Variants in EIF2AK1 observed in about 807,000 individuals in gnomAD.
EIF2AK1 encodes eukaryotic translation initiation factor 2-alpha kinase 1.
In EIF2AK1, 54 loss-of-function variants were observed where a neutral mutation model predicts 77.9. The observed-to-expected ratio is 0.69, with a 90% CI of 0.56 to 0.87. The LOEUF is 0.87. Ranked by LOEUF, EIF2AK1 falls within the 40% of genes least tolerant of loss-of-function variation. EIF2AK1 has a pLI of 0.00. For synonymous variants in EIF2AK1, 314 were observed against 290.5 expected (o/e 1.08, Z -0.82); for missense variants, 810 against 768.6 (o/e 1.05, Z -0.64).
chr7:6,023,907 A>G lies in EIF2AK1; in HGVS notation c.*766T>C, dbSNP rs906157945. On this transcript the variant is annotated 3_prime_UTR_variant, in exon 15 of 15. Coordinates refer to ENST00000199389, the MANE Select transcript of EIF2AK1 (RefSeq NM_014413.4). The stretch of plus-strand genomic sequence containing the variant: ...GTGATGACTGCCAACTCCATGGCAG[A>G]CCCTTTCTGGGATTCAAAAACCAAT... The G allele has an allele frequency of 1.1e-5, 17 of 1,495,770 alleles. No homozygotes were observed. Among genetic ancestry groups the G allele is most frequent in the Non-Finnish European group, 1.5e-5 (17 of 1,119,550 alleles). 92.7% of individuals were successfully genotyped at this position (1,495,770 alleles called of 1,614,324 possible). A position where few individuals can be genotyped will look rare whatever the true frequency, so the allele number is the denominator to read the frequency against.
intron 7 of EIF2AK1, 112 bp downstream of exon 7, chr7:6,044,450 G>A: frequency 1.2e-6 from 1 of 851,460 alleles, no homozygotes; most frequent in Non-Finnish European, 1.8e-6. Flanking sequence ...AAAAAAATAT[G>A]TAAAAACCAT....
chr7:6,028,278 T>C (rs1020042257), intron 13 of EIF2AK1, among the ~76,000 whole-genome samples: 6 of 150,704 alleles, frequency 4.0e-5, no homozygotes, highest in African/African-American at 1.5e-4. Flanking sequence ...TGAGATGGAG[T>C]TTTGCTCTTG....
chr7:6,029,158 T>C (rs1347107775), intron 11 of EIF2AK1, 126 bp from the exon 12 acceptor site: 18 of 786,080 alleles, frequency 2.3e-5, no homozygotes, highest in Admixed American at 5.8e-5. Context: ...ATTTGAGGAA[T>C]AGTTCCCAAA....
Position 6,023,670 on chromosome 7 carries a change from G to A in EIF2AK1, c.*1003C>T, listed in dbSNP as rs763343312. The A allele has an allele frequency of 3.1e-6, 5 of 1,613,924 alleles. No homozygotes were observed. The African/African-American group carries it at 4.0e-5, about 13-fold the overall frequency. On this transcript the variant is annotated 3_prime_UTR_variant, in exon 15 of 15. Transcript: ENST00000199389. ...GTGAAAACCTGGCTCCTTTTAACAC[G>A]GCCCTCAAGCTCCTTAAGTGAATTG...
chr7:6,059,089 G>A lies in EIF2AK1; in HGVS notation c.-6C>T, dbSNP rs765690305. 1.4e-6 allele frequency: 2 copies of A among 1,381,072 alleles called. No individual in the cohort carries two copies. Among genetic ancestry groups the A allele is most frequent in the South Asian group, 1.7e-5 (1 of 60,440 alleles). The allele number at this position is 1,381,072 out of a possible 1,614,324, so 85.6% of individuals were successfully genotyped here. A position where few individuals can be genotyped will look rare whatever the true frequency, so the allele number is the denominator to read the frequency against. ...CCGGAGTTGCCCCCCTGCATCGCCGGCCGCGCGCGGGCCGCAGCCCAGCCC... is the reference window on the plus strand; with the variant it reads ...CCGGAGTTGCCCCCCTGCATCGCCGACCGCGCGCGGGCCGCAGCCCAGCCC... On this transcript the variant is annotated 5_prime_UTR_variant, in exon 1 of 15. Coordinates refer to ENST00000199389, the MANE Select transcript of EIF2AK1 (RefSeq NM_014413.4).
In EIF2AK1 at chr7:6,027,321, C is replaced by T. The variant is rs1048521276; in HGVS notation, c.1531-360G>A. ...GCTGCGGGGGAGCCACAGAAGGTCG[C>T]GGGTTCTCCTCCGGTCTCACCTCTG... On this transcript the variant is annotated intron_variant, in intron 13 of 14. Transcript: ENST00000199389. The surrounding 1 kb of genome is among the most constrained non-coding windows in gnomAD (Gnocchi z 4.5). Among the ~76,000 whole-genome samples, 3 of 152,196 alleles carry T rather than the reference C, an allele frequency of 2.0e-5. No individual in the cohort carries two copies. The highest frequency in any genetic ancestry group is 2.9e-5 in the Non-Finnish European group (2 of 68,038).
At chr7:6,040,823 A>G (rs1021881977) in intron 9 of EIF2AK1, 69 bp downstream of exon 9, 2 of 1,294,972 alleles carry the variant, frequency 1.5e-6, no homozygotes, top group Non-Finnish European at 2.2e-6. Flanking sequence ...AGAGAGGGCG[A>G]GAGAAGGCCA....
chr7:6,042,848 AGAGC>A, intron 8 of EIF2AK1, 81 bp downstream of exon 8: 1 of 1,164,640 alleles, frequency 8.6e-7, no homozygotes, highest in Non-Finnish European at 1.3e-6. Flanking sequence ...TCTGGGTGAC[AGAGC>A]GAGACTCTGT....
At position 6,054,766 on chromosome 7, in the gene EIF2AK1, C is replaced by G. The variant is rs1041765044; in HGVS notation, c.119-62G>C. 2.8e-6 allele frequency: 4 copies of G among 1,430,992 alleles called. No homozygotes were observed. In the African/African-American group the frequency reaches 4.3e-5, roughly 15 times the overall value. The allele number at this position is 1,430,992 out of a possible 1,614,324, so 88.6% of individuals were successfully genotyped here. A position where few individuals can be genotyped will look rare whatever the true frequency, so the allele number is the denominator to read the frequency against. On this transcript the variant is annotated intron_variant, in intron 1 of 14. Coordinates refer to ENST00000199389, the MANE Select transcript of EIF2AK1 (RefSeq NM_014413.4). ...GTAAACCTGTCTCATAATGACAAAA[C>G]CGTATATTCTAATTAATGAAACATG...
In EIF2AK1 at chr7:6,047,088, T is replaced by C; in HGVS notation, c.453A>G (p.Ser151=). ...TTTGTGCTTCCAAGGCTACTTCCCT[T>C]GATCTGAAAGTTAAATACAAACAAT... is the stretch of plus-strand genomic sequence containing the variant. The part of the protein sequence containing the change: ...EDISRIQKIR[S]REVALEAQTS... The change falls in exon 5 of 15, where the codon TCA becomes TCG. Residue 151 remains serine, a synonymous_variant. Coordinates refer to ENST00000199389, the MANE Select transcript of EIF2AK1 (RefSeq NM_014413.4). 1.2e-6 allele frequency: 2 copies of C among 1,612,122 alleles called. No homozygotes were observed. The highest frequency in any genetic ancestry group is 2.2e-5 in the South Asian group (2 of 90,608).
rs182295984 is a variant in EIF2AK1, at chr7:6,043,080, T to A, written c.731-87A>T. On this transcript the variant is annotated intron_variant, in intron 7 of 14. Transcript: ENST00000199389. ...ACAGAGTTAAAATATACAAATAGTG[T>A]CAAATGAGACTACAAGTCTAAAAAT... The A allele has an allele frequency of 2.1e-4, 273 of 1,303,136 alleles. 1 individual carries two copies. The highest frequency in any genetic ancestry group is 2.7e-4 in the Non-Finnish European group (250 of 914,176). 80.7% of individuals were successfully genotyped at this position (1,303,136 alleles called of 1,614,324 possible).
rs201507693 is a variant in EIF2AK1 at position 6,032,031 on chromosome 7, G to A, written c.1333-2999C>T. Among the ~76,000 whole-genome samples, 4 of 152,132 alleles carry A rather than the reference G, an allele frequency of 2.6e-5. No homozygotes were observed. Among genetic ancestry groups the A allele is most frequent in the South Asian group, 2.1e-4 (1 of 4,820 alleles). ...TCTACTAAAAATACAAAAATTAGCCGGGCTTGGTGGCAGGAGCCTGTAATC... is the reference window on the plus strand; with the variant it reads ...TCTACTAAAAATACAAAAATTAGCCAGGCTTGGTGGCAGGAGCCTGTAATC... On this transcript the variant is annotated intron_variant, in intron 11 of 14. Coordinates refer to ENST00000199389, the MANE Select transcript of EIF2AK1 (RefSeq NM_014413.4). The surrounding 1 kb of genome is among the most constrained non-coding windows in gnomAD (Gnocchi z 4.3).
chr7:6,046,978 ACGT>A lies in EIF2AK1; in HGVS notation c.549+11_549+13del. ...TTTAGGGTAGTAGGTCAAAACAAGTACGTGGAAGACAACCTTGTATACTCTTCC... is the reference window on the plus strand; with the variant it reads ...TTTAGGGTAGTAGGTCAAAACAAGTAGGAAGACAACCTTGTATACTCTTCC... On this transcript the variant is annotated intron_variant, in intron 5 of 14. Coordinates refer to ENST00000199389, the MANE Select transcript of EIF2AK1 (RefSeq NM_014413.4). 6.3e-7 allele frequency: 1 copy of A among 1,587,662 alleles called. No individual in the cohort carries two copies. Among genetic ancestry groups the A allele is most frequent in the East Asian group, 2.2e-5 (1 of 44,744 alleles).
At position 6,024,242 on chromosome 7, in the gene EIF2AK1, G is replaced by C; in HGVS notation, c.*431C>G. On this transcript the variant is annotated 3_prime_UTR_variant, in exon 15 of 15. Coordinates refer to ENST00000199389, the MANE Select transcript of EIF2AK1 (RefSeq NM_014413.4). ...GAATGAAATGATGAGGCGTCCTTCA[G>C]GTAATGAACTTCAGCTGCAGTGTGA... 1 of 1,217,498 alleles carries C rather than the reference G, an allele frequency of 8.2e-7. No individual in the cohort carries two copies. Among genetic ancestry groups the C allele is most frequent in the Non-Finnish European group, 1.0e-6 (1 of 958,170 alleles). The allele number at this position is 1,217,498 out of a possible 1,614,324, so 75.4% of individuals were successfully genotyped here. A position where few individuals can be genotyped will look rare whatever the true frequency, so the allele number is the denominator to read the frequency against.
chr7:6,023,336 C>T lies in EIF2AK1; in HGVS notation c.*1337G>A, dbSNP rs766467029. On this transcript the variant is annotated 3_prime_UTR_variant, in exon 15 of 15. Transcript: ENST00000199389. ...ACGCAGATGAAATTCAGCATCCAGA[C>T]GATGTGCCCCATCGAAGGCGAAGGG... 64 of 1,607,678 alleles carry T rather than the reference C, an allele frequency of 4.0e-5. No homozygotes were observed. The highest frequency in any genetic ancestry group is 1.7e-4 in the Middle Eastern group (1 of 6,048).
intron 3 of EIF2AK1, among the ~76,000 whole-genome samples, chr7:6,049,451 G>C (rs977845206): frequency 5.3e-5 from 8 of 152,122 alleles, no homozygotes; most frequent in Non-Finnish European, 1.2e-4. Flanking sequence ...GCTAAGGCAG[G>C]AGAATCCCTT....
At chr7:6,057,126 C>CTTTTT (rs34958065) in intron 1 of EIF2AK1, among the ~76,000 whole-genome samples, 46 of 90,710 alleles carry the variant, frequency 5.1e-4, no homozygotes, top group Non-Finnish European at 5.9e-4. Context: ...GACCCCATCT[C>CTTTTT]TTTTTTTTTT....
In EIF2AK1 at chr7:6,026,812, G is replaced by T; in HGVS notation, c.1680C>A (p.Ile560=). 2 of 1,614,160 alleles carry T rather than the reference G, an allele frequency of 1.2e-6. No homozygotes were observed. The highest frequency in any genetic ancestry group is 1.7e-6 in the Non-Finnish European group (2 of 1,180,024). The change falls in exon 14 of 15, where the codon ATC becomes ATA. Residue 560 remains isoleucine, a synonymous_variant. Transcript: ENST00000199389. ...RKRCPVQAKY[I]QHLTRRNSSQ... is the part of the protein sequence containing the mutation. ...ATGAGTTCCTTCTCGTTAAGTGCTGGATATACTTGGCTTGCACTGGACACC... is the reference window on the plus strand; with the variant it reads ...ATGAGTTCCTTCTCGTTAAGTGCTGTATATACTTGGCTTGCACTGGACACC...
intron 6 of EIF2AK1, among the ~76,000 whole-genome samples, chr7:6,045,107 A>T (rs1218944763): frequency 6.6e-6 from 1 of 151,846 alleles, no homozygotes; most frequent in African/African-American, 2.4e-5. Flanking sequence ...AAAATAATAG[A>T]AATTTTTTTT....
Sources: gnomAD v4.1 joint callset for allele counts (sites outside exome capture counted in the v4.1 genomes callset) on GRCh38, gnomAD v4.1.1 for gene constraint, Gnocchi (gnomAD v3.1) non-coding constraint, MANE v1.5 for transcripts, NCBI Gene and HGNC (gene_info 2026-07-23, HGNC 2026-07-21) for gene names.